PCSK7: variants seen among roughly 807,000 people sequenced by gnomAD.
PCSK7 encodes lymphoma proprotein convertase.
In PCSK7, 38 loss-of-function variants were observed where a neutral mutation model predicts 73.3. The observed-to-expected ratio is 0.52, with a 90% CI of 0.40 to 0.68. PCSK7 has a LOEUF of 0.68. Ranked by LOEUF, PCSK7 falls within the 30% of genes least tolerant of loss-of-function variation. The pLI, the probability that PCSK7 is intolerant of heterozygous loss-of-function variation, is 0.00. For synonymous variants in PCSK7, 296 were observed against 383.8 expected (o/e 0.77, Z 2.68); for missense variants, 692 against 991.5 (o/e 0.70, Z 4.06).
At chr11:117,229,078 T>C (rs191694773) in intron 3 of PCSK7, among the ~76,000 whole-genome samples, 5 of 152,342 alleles carry the variant, frequency 3.3e-5, no homozygotes, top group Admixed American at 2.6e-4. Flanking sequence ...ACTTTACAGA[T>C]GGAGAAGCTG....
chr11:117,224,632 G>A, intron 7 of PCSK7, 69 bp downstream of exon 7: 1 of 1,252,788 alleles, frequency 8.0e-7, no homozygotes, highest in Admixed American at 1.7e-5. Flanking sequence ...GGGTCAACTT[G>A]CAGCAGTTCT....
intron 4 of PCSK7, among the ~76,000 whole-genome samples, chr11:117,227,936 G>A (rs2032494748): frequency 6.6e-6 from 1 of 152,176 alleles, no homozygotes; most frequent in Admixed American, 6.5e-5. Flanking sequence ...TTTAGAGAGA[G>A]GAAGGCACTC....
At chr11:117,225,005 A>C (rs1176136139) in intron 6 of PCSK7, 2 of 399,670 alleles carry the variant, frequency 5.0e-6, no homozygotes, top group Non-Finnish European at 9.4e-6. Flanking sequence ...AGTGGCAGAG[A>C]GGGACAGAGG....
intron 12 of PCSK7, chr11:117,215,378 G>GTATA (rs1257390220): frequency 2.1e-4 from 13 of 62,540 alleles, no homozygotes; most frequent in Non-Finnish European, 3.0e-4. Flanking sequence ...GTGTGTGTGT[G>GTATA]TGTATATATA....
chr11:117,208,878 C>G lies in PCSK7; in HGVS notation c.1691+19G>C, dbSNP rs1379188256. 6.2e-7 allele frequency: 1 copy of G among 1,605,190 alleles called. No homozygotes were observed. The highest frequency in any genetic ancestry group is 2.3e-5 in the East Asian group (1 of 44,220). Reference sequence around the variant, plus strand: ...CCCTTGCTGAAAAGGTTGCTCAGGCCTCGGGCGGGTGTACATACGAGTCCA... The same window carrying G: ...CCCTTGCTGAAAAGGTTGCTCAGGCGTCGGGCGGGTGTACATACGAGTCCA... On this transcript the variant is annotated intron_variant, in intron 13 of 16. Transcript: ENST00000320934.
At chr11:117,227,457 T>C (rs1393982599) in intron 4 of PCSK7, 135 bp from the exon 5 acceptor site, 3 of 734,116 alleles carry the variant, frequency 4.1e-6, no homozygotes, top group Non-Finnish European at 7.1e-6. Flanking sequence ...TCGTTTCTGT[T>C]TTTGAGATGG....
chr11:117,222,648 G>A (rs1026771852), intron 9 of PCSK7: 1 of 143,332 alleles, frequency 7.0e-6, no homozygotes, highest in South Asian at 2.2e-4. Context: ...GTGACACTTA[G>A]TTTCTTTTTT....
intron 7 of PCSK7, 107 bp from the exon 8 acceptor site, chr11:117,224,323 T>C: frequency 8.7e-7 from 1 of 1,152,828 alleles, no homozygotes; most frequent in Non-Finnish European, 1.3e-6. Context: ...GGGAAAAAAG[T>C]TCAAAGGGCA....
intron 3 of PCSK7, 113 bp downstream of exon 3, chr11:117,229,263 TG>T: frequency 1.2e-6 from 1 of 823,078 alleles, no homozygotes; most frequent in South Asian, 1.6e-5. Context: ...AACCGGGAAA[TG>T]GTCCCTCAGG....
intron 8 of PCSK7, chr11:117,223,734 G>A: frequency 2.7e-6 from 1 of 364,108 alleles, no homozygotes; most frequent in Admixed American, 4.2e-5. Context: ...TGCTAACTGG[G>A]AGCACAGGCA....
intron 9 of PCSK7, chr11:117,223,001 T>A: frequency 1.8e-6 from 1 of 560,518 alleles, no homozygotes; most frequent in Non-Finnish European, 3.2e-6. Context: ...TCCAAATTTC[T>A]AAGATAAAAG....
chr11:117,224,405 G>A (rs952115711), intron 7 of PCSK7, among the ~76,000 whole-genome samples, 189 bp from the exon 8 acceptor site: 2 of 152,164 alleles, frequency 1.3e-5, no homozygotes, highest in Non-Finnish European at 2.9e-5. Flanking sequence ...AGGATGTGGG[G>A]CAGCTGTGAG....
At chr11:117,209,858 AAAG>A (rs2031636738) in intron 12 of PCSK7, 1 of 152,916 alleles carries the variant, frequency 6.5e-6, no homozygotes, top group African/African-American at 2.4e-5. Context: ...AAAAAAAAAA[AAAG>A]AAAAAGGATG....
intron 12 of PCSK7, chr11:117,215,380 G>GTGTGTGTATATATATATATA (rs1164738557): frequency 1.8e-5 from 1 of 55,898 alleles, no homozygotes; most frequent in Non-Finnish European, 2.8e-5. Flanking sequence ...GTGTGTGTGT[G>GTGTGTGTATATATATATATA]TATATATATA....
chr11:117,218,612 G>A lies in PCSK7; in HGVS notation c.1432-44C>T. Reference sequence around the variant, plus strand: ...GGATGGCAAATCAACAAACAAGAATGATCACACCCACATTCTCACAAACAC... The same window carrying A: ...GGATGGCAAATCAACAAACAAGAATAATCACACCCACATTCTCACAAACAC... On this transcript the variant is annotated intron_variant, in intron 11 of 16. Coordinates refer to ENST00000320934, the MANE Select transcript of PCSK7 (RefSeq NM_004716.4). The surrounding 1 kb of genome is among the most constrained non-coding windows in gnomAD (Gnocchi z 4.0). The A allele has an allele frequency of 1.9e-6, 2 of 1,054,882 alleles. No individual in the cohort carries two copies. Among genetic ancestry groups the A allele is most frequent in the Non-Finnish European group, 2.9e-6 (2 of 695,406 alleles). The allele number at this position is 1,054,882 out of a possible 1,614,324, so 65.3% of individuals were successfully genotyped here.
intron 12 of PCSK7, chr11:117,209,977 G>A (rs1315136879): frequency 2.0e-5 from 3 of 152,650 alleles, no homozygotes; most frequent in Non-Finnish European, 2.9e-5. Context: ...GATGGGTGTG[G>A]CCAGAAAGGG....
chr11:117,225,779 A>T (rs1175957566), intron 6 of PCSK7, 152 bp downstream of exon 6: 1 of 635,252 alleles, frequency 1.6e-6, no homozygotes, highest in East Asian at 2.7e-5. Context: ...AGTGGCTGGG[A>T]ATCTAGAGAA....
At chr11:117,219,355 G>A in intron 10 of PCSK7, 191 bp from the exon 11 acceptor site, 1 of 632,480 alleles carries the variant, frequency 1.6e-6, no homozygotes, top group South Asian at 2.0e-5. Context: ...CCACTGGCTT[G>A]CTTCTAGAGA....
chr11:117,204,387 CCCT>C lies in PCSK7; in HGVS notation c.*1607_*1609del. 1.2e-6 allele frequency: 2 copies of C among 1,614,082 alleles called. No individual in the cohort carries two copies. Among genetic ancestry groups the C allele is most frequent in the Non-Finnish European group, 1.7e-6 (2 of 1,179,952 alleles). On this transcript the variant is annotated 3_prime_UTR_variant, in exon 17 of 17. Transcript: ENST00000320934. ...CGGAGAGGGCTAGCCCTGAGCCCGG[CCCT>C]CCCCCAGCTCCTTGGCTGCAGCCAT...
Sources: gnomAD v4.1 joint callset for allele counts (sites outside exome capture counted in the v4.1 genomes callset) on GRCh38, gnomAD v4.1.1 for gene constraint, Gnocchi (gnomAD v3.1) non-coding constraint, MANE v1.5 for transcripts, NCBI Gene and HGNC (gene_info 2026-07-23, HGNC 2026-07-21) for gene names.